The following DLGAP2 variants were observed in gnomAD, a reference collection of about 807,000 sequenced individuals.
DLGAP2 encodes the protein disks large-associated protein 2.
DLGAP2 carries 26 observed loss-of-function variants against 100.3 expected under a neutral mutation model. The observed-to-expected ratio is 0.26, with a 90% CI of 0.19 to 0.36. DLGAP2 has a LOEUF of 0.36. Among genes scored for constraint, DLGAP2 ranks in the 10% least tolerant of loss-of-function variants. DLGAP2 has a pLI of 1.00. For synonymous variants in DLGAP2, 886 were observed against 630.1 expected, an observed-to-expected ratio of 1.41 and a Z score of -6.08; for missense variants, 1,858 against 1,453.2, an observed-to-expected ratio of 1.28 and a Z score of -4.53.
chr8:1,191,650 GAC>G (rs1797642204), intron 2 of DLGAP2, among the ~76,000 whole-genome samples: 2 of 118,452 alleles, frequency 1.7e-5, no homozygotes, highest in Non-Finnish European at 4.0e-5. Context: ...GCAATGAGCA[GAC>G]AAAGCTTCAA....
intron 2 of DLGAP2, among the ~76,000 whole-genome samples, chr8:1,054,571 A>G (rs1162870970): frequency 6.6e-6 from 1 of 152,226 alleles, no homozygotes. Context: ...GGCGTTCATT[A>G]TTAATATAGA....
At chr8:1,296,581 T>C (rs1200162557) in intron 3 of DLGAP2, among the ~76,000 whole-genome samples, 1 of 152,182 alleles carries the variant, frequency 6.6e-6, no homozygotes, top group Admixed American at 6.5e-5. Context: ...TCTATATGAA[T>C]AAATATTTTT....
chr8:1,694,258 C>G (rs1799323299), intron 13 of DLGAP2, among the ~76,000 whole-genome samples: 2 of 152,068 alleles, frequency 1.3e-5, no homozygotes, highest in Non-Finnish European at 2.9e-5. Flanking sequence ...ACAGGCCTGG[C>G]AGGAGAGGAG....
intron 5 of DLGAP2, among the ~76,000 whole-genome samples, chr8:1,554,508 C>T (rs957338225): frequency 1.2e-4 from 19 of 152,122 alleles, no homozygotes; most frequent in African/African-American, 3.1e-4. Context: ...GTTTCCTTCA[C>T]GCCCTCAGCT....
intron 6 of DLGAP2, among the ~76,000 whole-genome samples, chr8:1,579,794 G>T (rs554662938): frequency 6.6e-6 from 1 of 152,184 alleles, no homozygotes; most frequent in Non-Finnish European, 1.5e-5. Context: ...ATATCGTTGC[G>T]TGACACGGTA....
At chr8:1,212,952 T>C (rs867739637) in intron 2 of DLGAP2, among the ~76,000 whole-genome samples, 5 of 152,090 alleles carry the variant, frequency 3.3e-5, no homozygotes, top group African/African-American at 1.2e-4. Flanking sequence ...AAACATTTCT[T>C]ATGAGGTTTA....
intron 3 of DLGAP2, among the ~76,000 whole-genome samples, chr8:1,426,236 C>T (rs928582060): frequency 6.6e-6 from 1 of 152,138 alleles, no homozygotes; most frequent in Non-Finnish European, 1.5e-5. Flanking sequence ...AGAACAGAGG[C>T]AGATGTAAGT....
intron 2 of DLGAP2, among the ~76,000 whole-genome samples, chr8:923,115 C>T (rs980686727): frequency 1.3e-5 from 2 of 152,184 alleles, no homozygotes; most frequent in African/African-American, 4.8e-5. Context: ...TACTACGGAA[C>T]AAGTTACTAG....
chr8:895,137 T>C (rs982045636), intron 1 of DLGAP2, among the ~76,000 whole-genome samples: 2 of 151,820 alleles, frequency 1.3e-5, no homozygotes, highest in East Asian at 3.9e-4. Context: ...CAGAGCTGCA[T>C]ATTTCAGAAC....
chr8:1,049,583 G>A (rs1475524110), intron 2 of DLGAP2, among the ~76,000 whole-genome samples: 1 of 152,082 alleles, frequency 6.6e-6, no homozygotes, highest in Non-Finnish European at 1.5e-5. Flanking sequence ...AAAATATTCA[G>A]TTATTCCATA....
intron 3 of DLGAP2, chr8:1,302,490 A>G (rs1197656987): frequency 1.3e-5 from 2 of 151,716 alleles, no homozygotes; most frequent in Non-Finnish European, 2.9e-5. Flanking sequence ...CATACCTGGG[A>G]CTGGACTCGG....
chr8:1,519,637 G>A (rs781288040), intron 4 of DLGAP2, among the ~76,000 whole-genome samples: 1 of 152,176 alleles, frequency 6.6e-6, no homozygotes, highest in Non-Finnish European at 1.5e-5. Flanking sequence ...ACCACCTCTT[G>A]CCTAAACTAG....
chr8:1,526,217 C>T (rs977366840), intron 4 of DLGAP2, among the ~76,000 whole-genome samples: 2 of 151,626 alleles, frequency 1.3e-5, no homozygotes, highest in South Asian at 2.1e-4. Flanking sequence ...TGCATTGACT[C>T]CCCAGGTGGA....
chr8:869,282 G>A (rs530744786), intron 1 of DLGAP2, among the ~76,000 whole-genome samples: 48 of 152,136 alleles, frequency 3.2e-4, no homozygotes, highest in Admixed American at 2.0e-3. Context: ...CTGTTTTCGC[G>A]TCCTTCTTGC....
At chr8:1,075,309 G>A (rs1803571940) in intron 2 of DLGAP2, among the ~76,000 whole-genome samples, 1 of 152,178 alleles carries the variant, frequency 6.6e-6, no homozygotes, top group Admixed American at 6.5e-5. Flanking sequence ...ATCCCTAGGA[G>A]AGCAGGCGAT....
chr8:1,502,415 G>A (rs1422282691), intron 4 of DLGAP2, among the ~76,000 whole-genome samples: 1 of 152,156 alleles, frequency 6.6e-6, no homozygotes, highest in Admixed American at 6.5e-5. Context: ...TGTGATTTTT[G>A]TTAAAGAAAA....
At chr8:1,391,929 C>T (rs550750887) in intron 3 of DLGAP2, among the ~76,000 whole-genome samples, 5 of 152,186 alleles carry the variant, frequency 3.3e-5, no homozygotes, top group South Asian at 4.2e-4. Flanking sequence ...ATGGAGGAGC[C>T]GTCGGTGTCT....
At chr8:1,668,775 G>T (rs1291547445) in intron 9 of DLGAP2, 97 bp downstream of exon 9, 1 of 1,133,480 alleles carries the variant, frequency 8.8e-7, no homozygotes, top group South Asian at 1.6e-5. Flanking sequence ...TGGGTCCTTA[G>T]CACTGACTGT....
chr8:1,036,464 G>A (rs1047600263), intron 2 of DLGAP2, among the ~76,000 whole-genome samples: 3 of 152,246 alleles, frequency 2.0e-5, no homozygotes, highest in Admixed American at 6.5e-5. Context: ...GTGGGTGGCA[G>A]CTGTCAGTCT....
Sources: gnomAD v4.1 joint callset for allele counts (sites outside exome capture counted in the v4.1 genomes callset) on GRCh38, gnomAD v4.1.1 for gene constraint, MANE v1.5 for transcripts, NCBI Gene and HGNC (gene_info 2026-07-23, HGNC 2026-07-21) for gene names.